The following DOC2B variants were observed in gnomAD, a reference collection of about 807,000 sequenced individuals.
DOC2B encodes the protein double C2-like domain-containing protein beta.
A neutral mutation model predicts 28.9 loss-of-function variants in DOC2B; 21 were observed. That is an observed-to-expected ratio of 0.73 (90% CI 0.52 to 1.05). The LOEUF (loss-of-function observed/expected upper bound fraction) is 1.05, where lower values mean the gene tolerates loss of function less well. Ranked by LOEUF, DOC2B falls within the 50% of genes least tolerant of loss-of-function variation. The probability of loss-of-function intolerance (pLI) is 0.00; values close to 1 mark genes in which losing one functional copy is unlikely to be tolerated. For synonymous variants in DOC2B, 194 were observed against 178.1 expected (o/e 1.09, Z -0.71); for missense variants, 384 against 421.1 (o/e 0.91, Z 0.77).
At chr17:157,403 G>A (rs2040148347) in intron 5 of DOC2B, among the ~76,000 whole-genome samples, 1 of 152,156 alleles carries the variant, frequency 6.6e-6, no homozygotes, top group Admixed American at 6.5e-5. Context: ...GGCCTGGTGT[G>A]GCCCCCTGCT....
At chr17:157,569 C>A (rs1188558246) in intron 5 of DOC2B, among the ~76,000 whole-genome samples, 1 of 152,208 alleles carries the variant, frequency 6.6e-6, no homozygotes, top group African/African-American at 2.4e-5. Context: ...TTAAGCGATT[C>A]TCCTGCCTCA....
intron 2 of DOC2B, among the ~76,000 whole-genome samples, chr17:171,900 G>C (rs529796317): frequency 3.7e-3 from 346 of 92,512 alleles, no homozygotes; most frequent in Non-Finnish European, 5.5e-3. Flanking sequence ...GGAGCACCAG[G>C]GGCCGGGCCA....
chr17:176,343 C>T (rs1204544502), intron 1 of DOC2B, among the ~76,000 whole-genome samples: 2 of 150,644 alleles, frequency 1.3e-5, no homozygotes, highest in African/African-American at 2.5e-5. Context: ...CCACCATGCC[C>T]GGCTAACTTA....
chr17:148,192 T>C lies in DOC2B; in HGVS notation c.1083A>G (p.Gly361=), dbSNP rs946688843. Residue 361 remains glycine (G), a synonymous_variant, in exon 8 of 9, where the codon GGA becomes GGG. Transcript: ENST00000613549. ...CCTTACCAATGAAATCGTTGGATTT[T>C]CCAATGTCGTAATCCCAAACGGTGA... ...LEVTVWDYDI[G]KSNDFIGGVV... 905 of 398,556 alleles carry C rather than the reference T, an allele frequency of 2.3e-3. 8 individuals are homozygous for C. The highest frequency in any genetic ancestry group is 0.017 in the African/African-American group (826 of 48,706). 24.7% of individuals were successfully genotyped at this position (398,556 alleles called of 1,614,324 possible). A position where few individuals can be genotyped will look rare whatever the true frequency, so the allele number is the denominator to read the frequency against.
chr17:180,995 G>T, intron 1 of DOC2B, 112 bp downstream of exon 1: 1 of 940,096 alleles, frequency 1.1e-6, no homozygotes, highest in Non-Finnish European at 1.4e-6. Context: ...GTTGTGAACC[G>T]AGGCAGAGCG....
intron 6 of DOC2B, among the ~76,000 whole-genome samples, chr17:153,713 A>G (rs903837509): frequency 6.6e-6 from 1 of 151,914 alleles, no homozygotes; most frequent in Non-Finnish European, 1.5e-5. Flanking sequence ...AAAAAAAAAA[A>G]TCACACCATT....
chr17:161,502 C>A lies in DOC2B; in HGVS notation c.678G>T (p.Glu226Asp). 1 of 1,551,748 alleles carries A rather than the reference C, an allele frequency of 6.4e-7. No homozygotes were observed. Residue 226 changes from glutamate (E) to aspartate (D), a missense_variant, in exon 5 of 9, where the codon GAG becomes GAT. Glu to Asp is a conservative substitution (Grantham distance 45). Transcript: ENST00000613549. The part of the protein sequence containing the change: ...VCDEDKFRHN[E>D]FIGETRVPLK... ...GGGGCACACGTGTCTCCCCGATGAA[C>A]TCATTGTGCCGGAATTTGTCCTCGT...
Position 180,659 on chromosome 17 carries a change from C to A in DOC2B, c.373+448G>T, listed in dbSNP as rs1021077339. ...GCCCCTCCCCAGCTCGCCCCAGCCC[C>A]GACCCTCGGCCGCGAGGCCCTCCCG... On this transcript the variant is annotated intron_variant, in intron 1 of 8. Transcript: ENST00000613549. 1.2e-3 allele frequency among the ~76,000 whole-genome samples: 181 copies of A among 152,092 alleles called. 1 individual carries two copies. Among genetic ancestry groups the A allele is most frequent in the African/African-American group, 4.2e-3 (173 of 41,540 alleles).
At chr17:170,312 G>A (rs528308342) in intron 2 of DOC2B, among the ~76,000 whole-genome samples, 3 of 152,330 alleles carry the variant, frequency 2.0e-5, no homozygotes, top group Non-Finnish European at 4.4e-5. Flanking sequence ...GAGCGTGCAG[G>A]CCTCTCAGTG....
At chr17:173,817 G>A (rs1185144606) in intron 1 of DOC2B, among the ~76,000 whole-genome samples, 1 of 152,156 alleles carries the variant, frequency 6.6e-6, no homozygotes, top group Non-Finnish European at 1.5e-5. Context: ...GTGATCCCGG[G>A]ATAAGGGAAG....
At chr17:148,056 T>C (rs1028337255) in intron 8 of DOC2B, 117 bp downstream of exon 8, 3 of 396,566 alleles carry the variant, frequency 7.6e-6, no homozygotes, top group African/African-American at 4.1e-5. Context: ...CTGAGGCCCC[T>C]GACCTAGGGG....
intron 1 of DOC2B, among the ~76,000 whole-genome samples, chr17:173,035 C>G (rs989496720): frequency 6.6e-6 from 1 of 152,214 alleles, no homozygotes; most frequent in Admixed American, 6.5e-5. Flanking sequence ...TTGAGAGGAA[C>G]AGGTCCTGGC....
chr17:166,562 C>T (rs189887731), intron 2 of DOC2B, among the ~76,000 whole-genome samples: 10 of 152,362 alleles, frequency 6.6e-5, no homozygotes, highest in East Asian at 1.9e-4. Context: ...AAGGACCCAG[C>T]GGGAGATAAC....
intron 2 of DOC2B, among the ~76,000 whole-genome samples, chr17:170,630 C>G (rs1181833243): frequency 6.6e-5 from 10 of 152,186 alleles, no homozygotes; most frequent in Admixed American, 6.5e-4. Context: ...CAGGCCCTTA[C>G]CTTGCGAGAG....
intron 5 of DOC2B, among the ~76,000 whole-genome samples, chr17:160,449 G>A (rs533738022): frequency 2.0e-5 from 3 of 152,336 alleles, no homozygotes; most frequent in South Asian, 2.1e-4. Flanking sequence ...ACTCGCCCCC[G>A]GGGCTTGACT....
chr17:156,122 C>A lies in DOC2B; in HGVS notation c.923+98G>T, dbSNP rs1003036560. 5.0e-6 allele frequency: 7 copies of A among 1,387,904 alleles called. No individual in the cohort carries two copies. The Admixed American group carries it at 7.9e-5, about 16-fold the overall frequency. 86.0% of individuals were successfully genotyped at this position (1,387,904 alleles called of 1,614,324 possible). On this transcript the variant is annotated intron_variant, in intron 6 of 8. Transcript: ENST00000613549. Reference sequence around the variant, plus strand: ...ACAGCGCCCCTGTACCTCAGGCACTCCCTGGGTGCCTGCCACCTGGGACCA... The same window carrying A: ...ACAGCGCCCCTGTACCTCAGGCACTACCTGGGTGCCTGCCACCTGGGACCA...
intron 6 of DOC2B, among the ~76,000 whole-genome samples, chr17:152,398 C>A (rs1232703371): frequency 2.0e-5 from 3 of 152,186 alleles, no homozygotes; most frequent in African/African-American, 7.2e-5. Context: ...CCATCAAACC[C>A]TCAAGAGCTG....
chr17:152,246 A>G lies in DOC2B; in HGVS notation c.924-3054T>C, dbSNP rs150409161. On this transcript the variant is annotated intron_variant, in intron 6 of 8. Transcript: ENST00000613549. ...GTTGCTGCCAGTTACTGCCATTTTC[A>G]CGGGCATGAAATGGAGATAACAACA... 9.8e-3 allele frequency among the ~76,000 whole-genome samples: 1,494 copies of G among 152,258 alleles called. 24 individuals are homozygous for G. The highest frequency in any genetic ancestry group is 0.034 in the African/African-American group (1,421 of 41,550).
At chr17:170,623 G>T (rs1442303927) in intron 2 of DOC2B, among the ~76,000 whole-genome samples, 1 of 152,194 alleles carries the variant, frequency 6.6e-6, no homozygotes, top group Non-Finnish European at 1.5e-5. Context: ...GGCCATGCAG[G>T]CCCTTACCTT....
Sources: allele counts gnomAD v4.1 joint callset (sites outside exome capture counted in the v4.1 genomes callset), GRCh38; gene constraint gnomAD v4.1.1; transcripts MANE v1.5; gene names NCBI Gene and HGNC (gene_info 2026-07-23, HGNC 2026-07-21).